CELF2: variants seen among roughly 807,000 people sequenced by gnomAD.
CELF2 encodes the protein CUG triplet repeat RNA-binding protein 2.
In CELF2, 8 loss-of-function variants were observed where a neutral mutation model predicts 62.6. That is an observed-to-expected ratio of 0.13 (90% CI 0.07 to 0.23). The LOEUF is 0.23. Among genes scored for constraint, CELF2 ranks in the 10% least tolerant of loss-of-function variants. The pLI is 1.00. For synonymous variants in CELF2, 258 were observed against 250.0 expected, an observed-to-expected ratio of 1.03 and a Z score of -0.30; for missense variants, 333 against 671.0, an observed-to-expected ratio of 0.50 and a Z score of 5.56.
At chr10:10,727,669 G>A in the CELF2 span, among the ~76,000 whole-genome samples, 1 of 151,758 alleles carries the variant, frequency 6.6e-6, no homozygotes, top group African/African-American at 2.4e-5. Flanking sequence ...CCAGCTATTC[G>A]GGAGGCTGAG....
Position 10,888,329 on chromosome 10 carries a change from TGGCACA to T in CELF2, c.54-31623_54-31618del, listed in dbSNP as rs986945897. On this transcript the variant is annotated intron_variant, in intron 1 of 13. Coordinates refer to the CELF2 transcript ENST00000636488. ...TCGTGCACGCAGGGTGGGAAGAGCA[TGGCACA>T]GGCACAGGCACCCCTGTAGACTGAA... Among the ~76,000 whole-genome samples the T allele has an allele frequency of 5.3e-5, 8 of 152,260 alleles. No homozygotes were observed. In the East Asian group the frequency reaches 1.2e-3, roughly 22 times the overall value.
chr10:10,586,934 C>A, the CELF2 span, among the ~76,000 whole-genome samples: 1 of 152,060 alleles, frequency 6.6e-6, no homozygotes, highest in Non-Finnish European at 1.5e-5. Context: ...ATGTCTAAGA[C>A]CTAAACATGC....
intron 8 of CELF2, among the ~76,000 whole-genome samples, chr10:11,277,720 G>T (rs1479355425): frequency 1.3e-5 from 2 of 152,176 alleles, no homozygotes; most frequent in African/African-American, 4.8e-5. Flanking sequence ...GAGATAGTTT[G>T]TATAACATAA....
At chr10:10,714,283 G>A in the CELF2 span, among the ~76,000 whole-genome samples, 7 of 152,132 alleles carry the variant, frequency 4.6e-5, no homozygotes, top group South Asian at 2.1e-4. Context: ...TTGCATGGTC[G>A]TTGCCAACAT....
At position 11,156,486 on chromosome 10, in the gene CELF2, CTTTA is replaced by C. The variant is rs1372456945; in HGVS notation, c.75-8996_75-8993del. Among the ~76,000 whole-genome samples, 25 of 152,264 alleles carry C rather than the reference CTTTA, an allele frequency of 1.6e-4. No homozygotes were observed. Among genetic ancestry groups the C allele is most frequent in the Admixed American group, 1.3e-3 (20 of 15,300 alleles). On this transcript the variant is annotated intron_variant, in intron 1 of 12. Transcript: ENST00000633077. The surrounding 1 kb of genome is among the most constrained non-coding windows in gnomAD (Gnocchi z 4.3). ...ACCCTGCAACGCCCTCCCCTGCATG[CTTTA>C]TTTGTCTCTGTCAAAACGGTCTTTT...
At chr10:10,978,034 GTTTTTTGTTT>G (rs1238550323) in intron 2 of CELF2, among the ~76,000 whole-genome samples, 1 of 121,788 alleles carries the variant, frequency 8.2e-6, no homozygotes, top group Non-Finnish European at 1.7e-5. Context: ...GTTTTTTTTT[GTTTTTTGTTT>G]TTTTTTTTCC....
At chr10:10,619,792 C>T in the CELF2 span, among the ~76,000 whole-genome samples, 2 of 152,110 alleles carry the variant, frequency 1.3e-5, no homozygotes, top group Non-Finnish European at 2.9e-5. Context: ...GAAATTGAGA[C>T]CCCATGGGCT....
chr10:11,275,070 C>T lies in CELF2; in HGVS notation c.791C>T (p.Ala264Val). The T allele has an allele frequency of 6.2e-7, 1 of 1,614,176 alleles. No homozygotes were observed. Among genetic ancestry groups the T allele is most frequent in the Non-Finnish European group, 8.5e-7 (1 of 1,180,020 alleles). ...GTTCATCCGCAGCTCCTGCAGCAGG[C>T]CACCTCCTCCAGCAACCTGGGTGCG... ...TPQYLALLQQ[A>V]TSSSNLGAFS... is the part of the protein sequence containing the mutation. Residue 264 changes from alanine to valine, a missense_variant, in exon 8 of 13, where the codon GCC becomes GTC. Transcript: ENST00000633077.
At chr10:10,932,478 T>A (rs1238609263) in intron 2 of CELF2, among the ~76,000 whole-genome samples, 1 of 152,190 alleles carries the variant, frequency 6.6e-6, no homozygotes, top group African/African-American at 2.4e-5. Flanking sequence ...ACAGTCTATG[T>A]ATATGTACAT....
At chr10:10,856,330 C>A (rs1166379358) in intron 1 of CELF2, among the ~76,000 whole-genome samples, 1 of 152,126 alleles carries the variant, frequency 6.6e-6, no homozygotes, top group Admixed American at 6.6e-5. Context: ...ACCCAGAATT[C>A]ATCCACAATG....
intron 2 of CELF2, among the ~76,000 whole-genome samples, chr10:11,212,737 G>GTTTTTTTTT (rs11354880): frequency 2.2e-5 from 2 of 91,980 alleles, no homozygotes; most frequent in East Asian, 3.5e-4. Context: ...TGTGTTTTGG[G>GTTTTTTTTT]TTTTTTTTTT....
At chr10:10,830,566 C>T (rs764098340) in intron 1 of CELF2, among the ~76,000 whole-genome samples, 3 of 152,086 alleles carry the variant, frequency 2.0e-5, no homozygotes, top group Non-Finnish European at 4.4e-5. Flanking sequence ...CAATTCACTC[C>T]CTTCTTTTCT....
the CELF2 span, among the ~76,000 whole-genome samples, chr10:10,730,255 T>C: frequency 1.7e-4 from 26 of 152,280 alleles, no homozygotes; most frequent in Admixed American, 1.0e-3. Context: ...AGTAGGTGGA[T>C]CACTTGAGGC....
At chr10:10,627,437 G>T in the CELF2 span, among the ~76,000 whole-genome samples, 1 of 152,200 alleles carries the variant, frequency 6.6e-6, no homozygotes, top group Non-Finnish European at 1.5e-5. Flanking sequence ...TGAGATCAGG[G>T]CAAGGAGAAA....
At chr10:11,231,028 A>G (rs908856320) in intron 3 of CELF2, among the ~76,000 whole-genome samples, 5 of 152,222 alleles carry the variant, frequency 3.3e-5, no homozygotes, top group African/African-American at 1.2e-4. Context: ...TAACTACCAC[A>G]TGAATGCTAG....
Position 11,010,507 on chromosome 10 carries a change from T to C in CELF2, c.53+5067T>C, listed in dbSNP as rs2056268860. 1.3e-5 allele frequency among the ~76,000 whole-genome samples: 2 copies of C among 152,208 alleles called. No individual in the cohort carries two copies. The highest frequency in any genetic ancestry group is 1.3e-4 in the Admixed American group (2 of 15,278). ...ATTAACAATCTACCTGGCACTACAC[T>C]AACTGGTTACTTTGATCTTGTATAA... is the stretch of plus-strand genomic sequence containing the variant. On this transcript the variant is annotated intron_variant, in intron 1 of 12. Coordinates refer to the CELF2 transcript ENST00000416382. This position sits in a 1 kb window ranked among gnomAD's most constrained non-coding sequence, Gnocchi z 4.1.
At chr10:10,528,741 A>C in the CELF2 span, among the ~76,000 whole-genome samples, 9 of 152,358 alleles carry the variant, frequency 5.9e-5, no homozygotes, top group South Asian at 1.9e-3. Flanking sequence ...AAATAAGTGA[A>C]AGGAGAATGC....
chr10:10,684,035 G>C, the CELF2 span, among the ~76,000 whole-genome samples: 5 of 152,042 alleles, frequency 3.3e-5, no homozygotes, highest in Non-Finnish European at 7.4e-5. Flanking sequence ...CGTACTTTCT[G>C]TACCTTTAGT....
the CELF2 span, among the ~76,000 whole-genome samples, chr10:10,715,254 C>A: frequency 5.1e-4 from 78 of 152,218 alleles, no homozygotes; most frequent in Non-Finnish European, 9.4e-4. Context: ...AGAAAAGGCA[C>A]CTTTTGCTTT....
Sources: gnomAD v4.1 joint callset for allele counts (sites outside exome capture counted in the v4.1 genomes callset) on GRCh38, gnomAD v4.1.1 for gene constraint, Gnocchi (gnomAD v3.1) non-coding constraint, MANE v1.5 for transcripts, NCBI Gene and HGNC (gene_info 2026-07-23, HGNC 2026-07-21) for gene names.